The following STAB2 variants were observed in gnomAD, a reference collection of about 807,000 sequenced individuals.
STAB2 encodes stabilin-2.
STAB2 carries 288 observed loss-of-function variants against 338.1 expected under a neutral mutation model. That is an observed-to-expected ratio of 0.85 (90% CI 0.77 to 0.94). STAB2 has a LOEUF of 0.94. Among genes scored for constraint, STAB2 ranks in the 40% least tolerant of loss-of-function variants. The pLI is 0.00. For missense variants in STAB2, 3,141 were observed against 3,210.1 expected, an observed-to-expected ratio of 0.98 and a Z score of 0.52; for synonymous variants, 1,202 against 1,193.3, an observed-to-expected ratio of 1.01 and a Z score of -0.15.
intron 63 of STAB2, among the ~76,000 whole-genome samples, chr12:103,756,875 T>C (rs1358323841): frequency 1.3e-5 from 2 of 151,682 alleles, no homozygotes; most frequent in Non-Finnish European, 2.9e-5. Flanking sequence ...CCCACACTAA[T>C]CTTTCTGCTG....
chr12:103,716,425 G>A (rs2139022952), intron 43 of STAB2, among the ~76,000 whole-genome samples: 1 of 152,306 alleles, frequency 6.6e-6, no homozygotes, highest in African/African-American at 2.4e-5. Flanking sequence ...CTGGAGGCCT[G>A]GAGACCCAAG....
Position 103,740,775 on chromosome 12 carries a change from C to A in STAB2, c.5881+19C>A. The stretch of plus-strand genomic sequence containing the variant: ...TGTCAGGGTGAGGGTGCCTCTTCCC[C>A]CCTCGCAACTCTAAAAGTGGTAATA... On this transcript the variant is annotated intron_variant, in intron 55 of 68. Transcript: ENST00000388887. 2 of 1,554,502 alleles carry A rather than the reference C, an allele frequency of 1.3e-6. No homozygotes were observed. The highest frequency in any genetic ancestry group is 1.7e-6 in the Non-Finnish European group (2 of 1,157,428).
In STAB2 at chr12:103,605,438, TTAA is replaced by T. The variant is rs1957013144; in HGVS notation, c.331+10933_331+10935del. Among the ~76,000 whole-genome samples, 3 of 152,154 alleles carry T rather than the reference TTAA, an allele frequency of 2.0e-5. No individual in the cohort carries two copies. The South Asian group carries it at 6.2e-4, about 32-fold the overall frequency. On this transcript the variant is annotated intron_variant, in intron 3 of 68. Transcript: ENST00000388887. ...GTAAATGTCAGTTAGGTCAAATTGA[TTAA>T]TAATGCCATTCAAGTCTTTTCTATA...
At chr12:103,634,896 C>T (rs564987815) in intron 6 of STAB2, among the ~76,000 whole-genome samples, 13 of 152,332 alleles carry the variant, frequency 8.5e-5, no homozygotes, top group African/African-American at 2.9e-4. Context: ...TATATAAAAC[C>T]TCTACTCAAT....
rs1004434876 is a variant in STAB2 at position 103,755,331 on chromosome 12, G to T, written c.6744G>T (p.Trp2248Cys). 4.3e-6 allele frequency: 7 copies of T among 1,614,088 alleles called. No homozygotes were observed. The highest frequency in any genetic ancestry group is 5.9e-6 in the Non-Finnish European group (7 of 1,180,042). Reference sequence around the variant, plus strand: ...AGTACCACCTGTGCTCAGCAGGCTGGCTGGAGACCGGGCGGGTTGCCTACC... The same window carrying T: ...AGTACCACCTGTGCTCAGCAGGCTGTCTGGAGACCGGGCGGGTTGCCTACC... ...KAKYHLCSAG[W>C]LETGRVAYPT... The change falls in exon 62 of 69, where the codon TGG becomes TGT. Residue 2248 changes from tryptophan (W) to cysteine (C), a missense_variant. By Grantham distance (215) the Trp-to-Cys change is radical (BLOSUM62 -2). Coordinates refer to ENST00000388887, the MANE Select transcript of STAB2 (RefSeq NM_017564.10).
chr12:103,652,680 C>G lies in STAB2; in HGVS notation c.1382C>G (p.Ser461Trp), dbSNP rs890693888. Residue 461 changes from serine (S) to tryptophan (W), a missense_variant, in exon 12 of 69, where the codon TCG (serine) becomes TGG (tryptophan). Transcript: ENST00000388887. Reference protein sequence around the residue: ...TDMFYTLTGKSGEIFNSDKDN... With the variant: ...TDMFYTLTGKWGEIFNSDKDN... ...ATGTTCTACACCTTGACTGGAAAGT[C>G]GGGGGAAATCTTCAACAGCGATAAG... 6.3e-7 allele frequency: 1 copy of G among 1,599,982 alleles called. No homozygotes were observed. The highest frequency in any genetic ancestry group is 1.2e-5 in the South Asian group (1 of 86,546).
At position 103,700,381 on chromosome 12, in the gene STAB2, T is replaced by C. The variant is rs192164211; in HGVS notation, c.3714+1154T>C. Among the ~76,000 whole-genome samples the C allele has an allele frequency of 5.8e-4, 88 of 152,350 alleles. No homozygotes were observed. The East Asian group carries it at 0.015, about 27-fold the overall frequency. ...AATATTTGAACCTTTCTAAAAAGTATAATTTTAAAAACAATTTCTTCAGTG... is the reference window on the plus strand; with the variant it reads ...AATATTTGAACCTTTCTAAAAAGTACAATTTTAAAAACAATTTCTTCAGTG... On this transcript the variant is annotated intron_variant, in intron 34 of 68. Coordinates refer to ENST00000388887, the MANE Select transcript of STAB2 (RefSeq NM_017564.10).
In STAB2 at chr12:103,725,039, C is replaced by T. The variant is rs1368306856; in HGVS notation, c.4748C>T (p.Thr1583Ile). The T allele has an allele frequency of 6.2e-7, 1 of 1,614,030 alleles. No individual in the cohort carries two copies. Among genetic ancestry groups the T allele is most frequent in the Non-Finnish European group, 8.5e-7 (1 of 1,179,892 alleles). Residue 1583 changes from threonine to isoleucine, a missense_variant, in exon 45 of 69, where the codon ACT becomes ATT. Physicochemically the swap from Thr to Ile is moderately conservative, Grantham distance 89. Coordinates refer to ENST00000388887, the MANE Select transcript of STAB2 (RefSeq NM_017564.10). Reference protein sequence around the residue: ...NHTGQVERTCTCKPNYIGDGF... With the variant: ...NHTGQVERTCICKPNYIGDGF... The stretch of plus-strand genomic sequence containing the variant: ...ACTGGGCAAGTAGAAAGGACTTGTA[C>T]TTGCAAGCCAAACTACATTGGAGAT...
At chr12:103,607,013 CG>C (rs747541914) in intron 3 of STAB2, among the ~76,000 whole-genome samples, 17 of 151,452 alleles carry the variant, frequency 1.1e-4, no homozygotes, top group Non-Finnish European at 1.8e-4. Flanking sequence ...AAAACAAAAA[CG>C]AAAAAAAAGA....
chr12:103,628,824 A>G (rs1288769819), intron 5 of STAB2, among the ~76,000 whole-genome samples: 2 of 152,114 alleles, frequency 1.3e-5, no homozygotes, highest in African/African-American at 2.4e-5. Context: ...GGGGATGAGG[A>G]CTCCACCATA....
At chr12:103,697,517 C>T (rs1438440930) in intron 33 of STAB2, among the ~76,000 whole-genome samples, 1 of 152,214 alleles carries the variant, frequency 6.6e-6, no homozygotes, top group Non-Finnish European at 1.5e-5. Context: ...AAGTCACAAA[C>T]TCAGTCTCAG....
rs1291816642 is a variant in STAB2 at position 103,695,861 on chromosome 12, A to G, written c.3582+17A>G. On this transcript the variant is annotated intron_variant, in intron 33 of 68. Transcript: ENST00000388887. ...TTGTCTCTAGTAAGTGTCAAGAACT[A>G]TAACTAGGGAAGTTATTTTGTGAAA... The G allele has an allele frequency of 8.7e-6, 14 of 1,607,760 alleles. No homozygotes were observed. Among genetic ancestry groups the G allele is most frequent in the Non-Finnish European group, 1.2e-5 (14 of 1,174,248 alleles).
At chr12:103,647,475 C>T (rs1452313664) in intron 9 of STAB2, among the ~76,000 whole-genome samples, 9 of 152,204 alleles carry the variant, frequency 5.9e-5, no homozygotes, top group Non-Finnish European at 4.4e-5. Flanking sequence ...ATGTTCTTCC[C>T]TTACTTCGCT....
intron 23 of STAB2, 24 bp from the exon 24 acceptor site, chr12:103,675,904 G>T: frequency 3.1e-6 from 5 of 1,587,626 alleles, no homozygotes; most frequent in Non-Finnish European, 4.3e-6. Flanking sequence ...TTCTGGGGCT[G>T]ATATTGCACA....
chr12:103,706,675 C>CA, intron 37 of STAB2, 117 bp from the exon 38 acceptor site: 1 of 1,368,250 alleles, frequency 7.3e-7, no homozygotes, highest in Non-Finnish European at 1.0e-6. Flanking sequence ...TCACCCACTC[C>CA]ATGTGAGGTC....
In STAB2 at chr12:103,660,775, C is replaced by T. The variant is rs753762246; in HGVS notation, c.1869+12C>T. The T allele has an allele frequency of 1.9e-6, 3 of 1,613,390 alleles. No homozygotes were observed. The African/African-American group carries it at 4.0e-5, about 22-fold the overall frequency. On this transcript the variant is annotated intron_variant, in intron 17 of 68. Transcript: ENST00000388887. ...ACACCACCGACAATGTAAGTGAAAACTCAACCACCACCAGCATCACTTGAA... is the reference window on the plus strand; with the variant it reads ...ACACCACCGACAATGTAAGTGAAAATTCAACCACCACCAGCATCACTTGAA...
At chr12:103,703,017 T>G (rs1435157096) in intron 34 of STAB2, 131 bp from the exon 35 acceptor site, 5 of 1,068,522 alleles carry the variant, frequency 4.7e-6, no homozygotes, top group Non-Finnish European at 6.5e-6. Flanking sequence ...CCAATACAAG[T>G]GACTATTATA....
At chr12:103,685,134 CCT>C in intron 27 of STAB2, 50 bp downstream of exon 27, 1 of 1,550,906 alleles carries the variant, frequency 6.4e-7, no homozygotes, top group Non-Finnish European at 8.9e-7. Flanking sequence ...CCTTTAAAAA[CCT>C]CTTAGCTAAG....
chr12:103,705,811 G>A, intron 37 of STAB2, 84 bp downstream of exon 37: 1 of 1,317,956 alleles, frequency 7.6e-7, no homozygotes, highest in Non-Finnish European at 1.1e-6. Context: ...AAATCCCTGT[G>A]CAGGTATGCT....
Sources: allele counts gnomAD v4.1 joint callset (sites outside exome capture counted in the v4.1 genomes callset), GRCh38; gene constraint gnomAD v4.1.1; transcripts MANE v1.5; gene names NCBI Gene and HGNC (gene_info 2026-07-23, HGNC 2026-07-21).